Variants in ARHGAP26 observed in about 807,000 individuals in gnomAD.
ARHGAP26 encodes the protein Rho GTPase activating protein 26.
In ARHGAP26, 38 loss-of-function variants were observed where a neutral mutation model predicts 104.8. The ratio of observed to expected loss-of-function variants is 0.36; its 90% CI spans 0.28 to 0.48. ARHGAP26 has a LOEUF of 0.48. Ranked by LOEUF, ARHGAP26 falls within the 20% of genes least tolerant of loss-of-function variation. The pLI, the probability that ARHGAP26 is intolerant of heterozygous loss-of-function variation, is 0.99. For synonymous variants in ARHGAP26, 341 were observed against 340.0 expected, an observed-to-expected ratio of 1.00 and a Z score of -0.03; for missense variants, 704 against 947.9, an observed-to-expected ratio of 0.74 and a Z score of 3.38.
intron 1 of ARHGAP26, among the ~76,000 whole-genome samples, chr5:142,788,985 G>A (rs1440250473): frequency 6.6e-6 from 1 of 152,226 alleles, no homozygotes; most frequent in African/African-American, 2.4e-5. Flanking sequence ...GAGAGATTAA[G>A]TGTCTTAGAC....
At chr5:143,012,548 C>CATATATATATAGATATATATATAT (rs1414408846) in intron 11 of ARHGAP26, among the ~76,000 whole-genome samples, 1 of 23,352 alleles carries the variant, frequency 4.3e-5, no homozygotes, top group Non-Finnish European at 1.1e-4. Flanking sequence ...TATATACATA[C>CATATATATATAGATATATATATAT]ATACATATAT....
chr5:142,773,596 TG>T (rs1382442917), intron 1 of ARHGAP26, among the ~76,000 whole-genome samples: 11 of 152,240 alleles, frequency 7.2e-5, no homozygotes, highest in African/African-American at 2.7e-4. Flanking sequence ...CATTGCCAGT[TG>T]TTTTTTAGAC....
At chr5:142,858,094 T>TGTGTGTGTGTGTGTGTGTGA (rs1424264346) in intron 1 of ARHGAP26, among the ~76,000 whole-genome samples, 4 of 127,254 alleles carry the variant, frequency 3.1e-5, no homozygotes, top group African/African-American at 1.2e-4. Flanking sequence ...TGTGTGTGTG[T>TGTGTGTGTGTGTGTGTGTGA]GAGAGAGAGA....
intron 19 of ARHGAP26, among the ~76,000 whole-genome samples, chr5:143,140,436 A>G (rs1318179131): frequency 6.6e-6 from 1 of 152,168 alleles, no homozygotes; most frequent in Non-Finnish European, 1.5e-5. Flanking sequence ...ATCTATCACT[A>G]ATAATAGCTT....
chr5:143,067,805 A>G (rs1449944928), intron 17 of ARHGAP26, among the ~76,000 whole-genome samples: 1 of 152,222 alleles, frequency 6.6e-6, no homozygotes, highest in African/African-American at 2.4e-5. Flanking sequence ...CTAGGCCTCA[A>G]AAATCAGTTT....
At chr5:142,982,911 T>C (rs1432419633) in intron 11 of ARHGAP26, among the ~76,000 whole-genome samples, 6 of 152,206 alleles carry the variant, frequency 3.9e-5, no homozygotes, top group African/African-American at 1.2e-4. Context: ...GTTGTCCTGA[T>C]GTGACCAGGA....
rs114957877 is a variant in ARHGAP26, at chr5:142,910,879, A to G, written c.934-2320A>G. On this transcript the variant is annotated intron_variant, in intron 9 of 22. Coordinates refer to ENST00000645722, the MANE Select transcript of ARHGAP26 (RefSeq NM_001135608.3). ...GCTTGGCCTGCATACATGTTTGAACAGAGCTCTCCTAGGAGCTAGAGGTAG... is the reference window on the plus strand; with the variant it reads ...GCTTGGCCTGCATACATGTTTGAACGGAGCTCTCCTAGGAGCTAGAGGTAG... Among the ~76,000 whole-genome samples the G allele has an allele frequency of 7.8e-3, 1,184 of 152,356 alleles. 14 individuals carry two copies. Among genetic ancestry groups the G allele is most frequent in the African/African-American group, 0.027 (1,128 of 41,588 alleles).
intron 1 of ARHGAP26, among the ~76,000 whole-genome samples, chr5:142,830,063 G>A (rs897701700): frequency 1.3e-5 from 2 of 152,174 alleles, no homozygotes; most frequent in East Asian, 3.8e-4. Context: ...ACCTTTTCAA[G>A]TTTATTGGTG....
intron 14 of ARHGAP26, among the ~76,000 whole-genome samples, chr5:143,044,952 A>G (rs1199458508): frequency 1.3e-5 from 2 of 152,226 alleles, no homozygotes; most frequent in African/African-American, 4.8e-5. Context: ...ATATGGGGGA[A>G]CAGAAGGGGC....
At chr5:142,929,579 T>G (rs761622866) in intron 10 of ARHGAP26, among the ~76,000 whole-genome samples, 1 of 152,224 alleles carries the variant, frequency 6.6e-6, no homozygotes, top group Non-Finnish European at 1.5e-5. Context: ...CCACTTCCCC[T>G]GTAAAAGGGA....
intron 10 of ARHGAP26, chr5:142,921,699 T>G (rs1763215734): frequency 6.1e-6 from 1 of 163,052 alleles, no homozygotes; most frequent in Non-Finnish European, 1.5e-5. Context: ...ATTCCTAAAT[T>G]TGAATTTGGG....
chr5:142,919,429 T>C (rs1762906747), intron 10 of ARHGAP26: 1 of 398,428 alleles, frequency 2.5e-6, no homozygotes, highest in South Asian at 1.3e-4. Flanking sequence ...AAGCAATAAA[T>C]TTCTGTTGAT....
At chr5:143,044,254 C>G (rs1783900252) in intron 14 of ARHGAP26, among the ~76,000 whole-genome samples, 1 of 152,166 alleles carries the variant, frequency 6.6e-6, no homozygotes, top group South Asian at 2.1e-4. Flanking sequence ...ATGGCAGAGT[C>G]AGGGATGCCA....
intron 20 of ARHGAP26, among the ~76,000 whole-genome samples, chr5:143,163,383 C>T (rs1387502215): frequency 2.6e-5 from 4 of 152,110 alleles, no homozygotes; most frequent in Admixed American, 2.6e-4. Flanking sequence ...TGTATAATTT[C>T]CTCATCTGCC....
At chr5:143,003,309 CG>C (rs1465125496) in intron 11 of ARHGAP26, among the ~76,000 whole-genome samples, 4 of 152,160 alleles carry the variant, frequency 2.6e-5, no homozygotes, top group Non-Finnish European at 2.9e-5. Context: ...CAGAGAACTG[CG>C]GTAAGTGCCA....
rs535105436 is a variant in ARHGAP26, at chr5:143,228,511, G to A, written c.*6065G>A. Reference sequence around the variant, plus strand: ...TTACTTAAAGTCATGTCGCAAGAAAGATCAAACCCATGAATGCTTAGTAGC... The same window carrying A: ...TTACTTAAAGTCATGTCGCAAGAAAAATCAAACCCATGAATGCTTAGTAGC... On this transcript the variant is annotated 3_prime_UTR_variant, in exon 23 of 23. Coordinates refer to ENST00000645722, the MANE Select transcript of ARHGAP26 (RefSeq NM_001135608.3). 12 of 220,694 alleles carry A rather than the reference G, an allele frequency of 5.4e-5. No homozygotes were observed. In the South Asian group the frequency reaches 2.2e-3, roughly 41 times the overall value. The allele number at this position is 220,694 out of a possible 1,614,324, so 13.7% of individuals were successfully genotyped here. A position where few individuals can be genotyped will look rare whatever the true frequency, so the allele number is the denominator to read the frequency against.
chr5:142,949,312 C>A (rs1767932488), intron 11 of ARHGAP26, among the ~76,000 whole-genome samples: 1 of 133,530 alleles, frequency 7.5e-6, no homozygotes, highest in Non-Finnish European at 1.5e-5. Context: ...GATTCAGAGG[C>A]CAAGTGATGA....
intron 11 of ARHGAP26, among the ~76,000 whole-genome samples, chr5:142,969,566 A>C (rs192801165): frequency 6.6e-6 from 1 of 152,338 alleles, no homozygotes; most frequent in Admixed American, 6.5e-5. Flanking sequence ...GAAGAGCTCC[A>C]GTTGGATTAT....
At chr5:143,197,913 GC>G (rs1464154764) in intron 20 of ARHGAP26, among the ~76,000 whole-genome samples, 15 of 152,204 alleles carry the variant, frequency 9.9e-5, no homozygotes, top group African/African-American at 3.6e-4. Flanking sequence ...AATCGTATAG[GC>G]CCATGATAAA....
Sources: gnomAD v4.1 joint callset for allele counts (sites outside exome capture counted in the v4.1 genomes callset) on GRCh38, gnomAD v4.1.1 for gene constraint, MANE v1.5 for transcripts, NCBI Gene and HGNC (gene_info 2026-07-23, HGNC 2026-07-21) for gene names.